REDIC1: variants seen among roughly 807,000 people sequenced by gnomAD.
The protein encoded by REDIC1 is regulator of DNA class I crossover intermediates 1.
chr12:39,627,492 A>C, the REDIC1 span, among the ~76,000 whole-genome samples: 248 of 152,304 alleles, frequency 1.6e-3, 2 homozygotes, highest in African/African-American at 5.5e-3. Flanking sequence ...ATATATCACA[A>C]ACTTTTATGG....
the REDIC1 span, among the ~76,000 whole-genome samples, chr12:39,849,072 A>G: frequency 1.6e-4 from 25 of 152,138 alleles, no homozygotes; most frequent in Admixed American, 1.6e-3. Flanking sequence ...ACTATTGGGT[A>G]CTGAGCTTAA....
At chr12:39,795,221 CT>C in the REDIC1 span, among the ~76,000 whole-genome samples, 3 of 151,780 alleles carry the variant, frequency 2.0e-5, no homozygotes, top group Admixed American at 1.3e-4. Context: ...TGTGTCACAT[CT>C]TTTTTTTAAT....
the REDIC1 span, among the ~76,000 whole-genome samples, chr12:39,689,825 A>G: frequency 6.6e-6 from 1 of 152,238 alleles, no homozygotes; most frequent in African/African-American, 2.4e-5. Flanking sequence ...TATCCTCCCA[A>G]AAGATGAATT....
chr12:39,867,836 G>T, the REDIC1 span, among the ~76,000 whole-genome samples: 1 of 152,228 alleles, frequency 6.6e-6, no homozygotes, highest in East Asian at 1.9e-4. Flanking sequence ...CAGAAGATCA[G>T]TACAAAATAT....
At chr12:39,702,719 G>C in the REDIC1 span, among the ~76,000 whole-genome samples, 10 of 152,240 alleles carry the variant, frequency 6.6e-5, no homozygotes, top group African/African-American at 9.6e-5. Flanking sequence ...AGCAGCACAT[G>C]AAAAAGCTTA....
the REDIC1 span, among the ~76,000 whole-genome samples, chr12:39,695,742 G>T: frequency 6.6e-6 from 1 of 152,134 alleles, no homozygotes; most frequent in African/African-American, 2.4e-5. Context: ...CAGAGCCCTA[G>T]GGCCTTGAGA....
At chr12:39,700,742 C>G in the REDIC1 span, among the ~76,000 whole-genome samples, 1 of 151,822 alleles carries the variant, frequency 6.6e-6, no homozygotes, top group African/African-American at 2.4e-5. Context: ...GATCTCTCAG[C>G]AGAAACTCTA....
At chr12:39,840,864 C>T in the REDIC1 span, among the ~76,000 whole-genome samples, 1 of 152,028 alleles carries the variant, frequency 6.6e-6, no homozygotes, top group Admixed American at 6.6e-5. Flanking sequence ...CAATAAATAC[C>T]TGTTGAGTAA....
chr12:39,844,050 G>A, the REDIC1 span, among the ~76,000 whole-genome samples: 1 of 151,874 alleles, frequency 6.6e-6, no homozygotes, highest in Non-Finnish European at 1.5e-5. Context: ...GTTTTGCTTG[G>A]GGCTCATCAT....
the REDIC1 span, among the ~76,000 whole-genome samples, chr12:39,815,012 A>G: frequency 6.6e-6 from 1 of 151,868 alleles, no homozygotes; most frequent in African/African-American, 2.4e-5. Context: ...CAGTGATCTT[A>G]GATGGTAAGC....
the REDIC1 span, among the ~76,000 whole-genome samples, chr12:39,816,283 G>T: frequency 6.6e-6 from 1 of 151,936 alleles, no homozygotes; most frequent in Non-Finnish European, 1.5e-5. Flanking sequence ...TCACTGATGG[G>T]GTGAAGGATG....
the REDIC1 span, among the ~76,000 whole-genome samples, chr12:39,796,232 T>C: frequency 1.3e-5 from 2 of 152,120 alleles, no homozygotes; most frequent in Non-Finnish European, 2.9e-5. Context: ...GGGTAGCCCT[T>C]AACATCTTAA....
the REDIC1 span, among the ~76,000 whole-genome samples, chr12:39,714,528 A>G: frequency 1.3e-5 from 2 of 151,500 alleles, no homozygotes; most frequent in Admixed American, 1.3e-4. Flanking sequence ...GTGTGAAAGT[A>G]TCTTTTTTGA....
chr12:39,657,024 G>A, the REDIC1 span, among the ~76,000 whole-genome samples: 7 of 152,104 alleles, frequency 4.6e-5, no homozygotes, highest in African/African-American at 7.2e-5. Context: ...TTAGTGAAGC[G>A]TAAGTGTAGA....
At chr12:39,774,208 A>G in the REDIC1 span, among the ~76,000 whole-genome samples, 3 of 152,088 alleles carry the variant, frequency 2.0e-5, no homozygotes, top group Non-Finnish European at 4.4e-5. Context: ...GGACACCTTC[A>G]CTCTTATCTG....
At chr12:39,682,657 G>C in the REDIC1 span, 293 of 1,608,758 alleles carry the variant, frequency 1.8e-4, 5 homozygotes, top group South Asian at 1.8e-3. Context: ...TGTAATTATG[G>C]ATGAAGATTG....
At chr12:39,803,537 C>T in the REDIC1 span, among the ~76,000 whole-genome samples, 1 of 152,036 alleles carries the variant, frequency 6.6e-6, no homozygotes, top group Non-Finnish European at 1.5e-5. Flanking sequence ...AATGTAACTT[C>T]TTGAAAAAAT....
the REDIC1 span, among the ~76,000 whole-genome samples, chr12:39,786,890 G>A: frequency 6.6e-6 from 1 of 152,152 alleles, no homozygotes; most frequent in African/African-American, 2.4e-5. Flanking sequence ...CTAGTTCTTT[G>A]TCCACTTACC....
chr12:39,661,145 G>A, the REDIC1 span, among the ~76,000 whole-genome samples: 10,589 of 152,140 alleles, frequency 0.07, 1,294 homozygotes, highest in African/African-American at 0.24. Flanking sequence ...TTGATAGACT[G>A]TTTTCCTTTT....
Sources: allele counts gnomAD v4.1 joint callset (sites outside exome capture counted in the v4.1 genomes callset), GRCh38; gene constraint gnomAD v4.1.1; transcripts MANE v1.5; gene names NCBI Gene and HGNC (gene_info 2026-07-23, HGNC 2026-07-21).